The following GALNT8 variants were observed in gnomAD, a reference collection of about 807,000 sequenced individuals.
The protein encoded by GALNT8 is probable polypeptide N-acetylgalactosaminyltransferase 8.
Under a neutral mutation model 62.7 loss-of-function variants are expected in GALNT8, and 66 were observed. The ratio of observed to expected loss-of-function variants is 1.05; its 90% CI spans 0.86 to 1.29. The LOEUF (loss-of-function observed/expected upper bound fraction) is 1.29. Among genes scored for constraint, GALNT8 ranks in the 50% most tolerant of loss-of-function variants. GALNT8 has a pLI of 0.00. For synonymous variants in GALNT8, 288 were observed against 294.3 expected (o/e 0.98, Z 0.22); for missense variants, 771 against 791.8 (o/e 0.97, Z 0.32).
At chr12:4,744,478 T>C (rs1946286762) in intron 3 of GALNT8, 39 bp from the exon 4 acceptor site, 1 of 1,420,594 alleles carries the variant, frequency 7.0e-7, no homozygotes, top group Non-Finnish European at 9.7e-7. Context: ...CGTTGATTGT[T>C]GCACTCAGAA....
chr12:4,734,000 A>T (rs1946232000), intron 2 of GALNT8, among the ~76,000 whole-genome samples: 1 of 152,232 alleles, frequency 6.6e-6, no homozygotes, highest in Non-Finnish European at 1.5e-5. Flanking sequence ...TTGTCTACGT[A>T]ATAATGACAA....
At chr12:4,762,757 A>G (rs562064605) in intron 7 of GALNT8, among the ~76,000 whole-genome samples, 144 of 152,370 alleles carry the variant, frequency 9.5e-4, no homozygotes, top group Middle Eastern at 3.4e-3. Flanking sequence ...GTCCATACCC[A>G]CTGGTGGAGT....
rs1306351369 is a variant in GALNT8 at position 4,739,160 on chromosome 12, T to C, written c.510-3T>C. The C allele has an allele frequency of 2.5e-6, 4 of 1,592,042 alleles. No individual in the cohort carries two copies. Among genetic ancestry groups the C allele is most frequent in the South Asian group, 1.1e-5 (1 of 89,630 alleles). On this transcript the variant is annotated splice_polypyrimidine_tract_variant and splice_region_variant and intron_variant, in intron 2 of 10. Coordinates refer to ENST00000252318, the MANE Select transcript of GALNT8 (RefSeq NM_017417.2). ...AATATGTTATAAAAATGGTCTCTTATAGATGTCTTCGGAAGACATATCCTT... is the reference window on the plus strand; with the variant it reads ...AATATGTTATAAAAATGGTCTCTTACAGATGTCTTCGGAAGACATATCCTT...
In GALNT8 at chr12:4,763,724, G is replaced by C. The variant is rs73264339; in HGVS notation, c.1498-228G>C. On this transcript the variant is annotated intron_variant, in intron 8 of 10. Coordinates refer to ENST00000252318, the MANE Select transcript of GALNT8 (RefSeq NM_017417.2). ...CTCCCTGTGTGTGTGGTGATGGGCT[G>C]AGGTGATGGGTGTTTCCCGGATGTG... Among the ~76,000 whole-genome samples the C allele has an allele frequency of 6.5e-3, 989 of 151,934 alleles. 10 individuals are homozygous for C. Among genetic ancestry groups the C allele is most frequent in the African/African-American group, 0.022 (930 of 41,428 alleles).
rs1428433705 is a variant in GALNT8, at chr12:4,739,210, T to C, written c.557T>C (p.Ile186Thr). ...TCCCAACTCCCATCCCTCAGTGTCA[T>C]TCTCATATTCGTGAATGAAGCTCTG... ...YPSQLPSLSV[I>T]LIFVNEALSI... The change falls in exon 3 of 11, where the codon ATT becomes ACT. Residue 186 changes from isoleucine (I) to threonine (T), a missense_variant. Ile to Thr is a moderately conservative substitution (Grantham distance 89). Coordinates refer to ENST00000252318, the MANE Select transcript of GALNT8 (RefSeq NM_017417.2). 1 of 1,613,010 alleles carries C rather than the reference T, an allele frequency of 6.2e-7. No individual in the cohort carries two copies. The highest frequency in any genetic ancestry group is 1.7e-5 in the Admixed American group (1 of 60,012).
At chr12:4,751,983 AC>A (rs1946324082) in intron 6 of GALNT8, among the ~76,000 whole-genome samples, 1 of 151,734 alleles carries the variant, frequency 6.6e-6, no homozygotes, top group African/African-American at 2.4e-5. Flanking sequence ...GGCTAAATTG[AC>A]CCCTTTTTTA....
intron 10 of GALNT8, chr12:4,768,413 T>C (rs972393602): frequency 7.8e-6 from 3 of 385,128 alleles, no homozygotes; most frequent in African/African-American, 2.1e-5. Context: ...CATATCTTTT[T>C]TTTGTGTTTT....
rs180810709 is a variant in GALNT8 at position 4,760,931 on chromosome 12, G to A, written c.1174-27G>A. 504 of 1,601,470 alleles carry A rather than the reference G, an allele frequency of 3.1e-4. 4 individuals are homozygous for A. The East Asian group carries it at 7.9e-3, about 25-fold the overall frequency. ...ATGCAATTCATTGGCTGTGAAGCACGGGTGATTTTTTGGTCTTCTTCTGCA... is the reference window on the plus strand; with the variant it reads ...ATGCAATTCATTGGCTGTGAAGCACAGGTGATTTTTTGGTCTTCTTCTGCA... On this transcript the variant is annotated intron_variant, in intron 6 of 10. Coordinates refer to ENST00000252318, the MANE Select transcript of GALNT8 (RefSeq NM_017417.2).
chr12:4,760,688 A>G (rs923330701), intron 6 of GALNT8, among the ~76,000 whole-genome samples: 1 of 152,238 alleles, frequency 6.6e-6, no homozygotes, highest in African/African-American at 2.4e-5. Context: ...AAGGGAGCAG[A>G]GGCAGCCCCT....
chr12:4,750,068 G>C (rs1946316014), intron 6 of GALNT8, among the ~76,000 whole-genome samples: 1 of 151,720 alleles, frequency 6.6e-6, no homozygotes, highest in South Asian at 2.1e-4. Context: ...TCTGGATAAA[G>C]GTTTGTCAAT....
At chr12:4,764,583 G>A (rs1318651346) in intron 9 of GALNT8, among the ~76,000 whole-genome samples, 2 of 130,864 alleles carry the variant, frequency 1.5e-5, no homozygotes, top group African/African-American at 2.9e-5. Context: ...TCGATCTGTC[G>A]CCCAGGCTGG....
chr12:4,724,042 G>A (rs183663809), intron 1 of GALNT8, among the ~76,000 whole-genome samples: 2 of 151,096 alleles, frequency 1.3e-5, no homozygotes, highest in Non-Finnish European at 2.9e-5. Context: ...CCAGCTACTC[G>A]GGAAGCTGAG....
intron 1 of GALNT8, among the ~76,000 whole-genome samples, chr12:4,721,639 A>G (rs1014235847): frequency 6.6e-6 from 1 of 152,132 alleles, no homozygotes; most frequent in Non-Finnish European, 1.5e-5. Context: ...CTCCTATCTC[A>G]GTAGATGGAA....
intron 5 of GALNT8, among the ~76,000 whole-genome samples, 199 bp from the exon 6 acceptor site, chr12:4,745,945 A>G (rs532187581): frequency 6.6e-6 from 1 of 152,324 alleles, no homozygotes; most frequent in South Asian, 2.1e-4. Flanking sequence ...TAATTTCAAT[A>G]TATTTTGAGA....
At position 4,761,992 on chromosome 12, in the gene GALNT8, G is replaced by C. The variant is rs570167718; in HGVS notation, c.1359+849G>C. Among the ~76,000 whole-genome samples the C allele has an allele frequency of 1.6e-4, 25 of 152,330 alleles. 1 individual carries two copies. In the East Asian group the frequency reaches 4.6e-3, roughly 28 times the overall value. On this transcript the variant is annotated intron_variant, in intron 7 of 10. Transcript: ENST00000252318. The stretch of plus-strand genomic sequence containing the variant: ...GAAGGACTCCTAGGGTCAGGAGCCA[G>C]GTTAACACTGGGATCACTAGGTCTG...
At chr12:4,769,598 A>G (rs951266473) in intron 10 of GALNT8, among the ~76,000 whole-genome samples, 6 of 152,156 alleles carry the variant, frequency 3.9e-5, no homozygotes, top group Non-Finnish European at 1.5e-5. Flanking sequence ...AAATTAATAA[A>G]ATTGGAAAAG....
Position 4,772,463 on chromosome 12 carries a change from A to G in GALNT8, c.1780A>G (p.Arg594Gly). 6.2e-7 allele frequency: 1 copy of G among 1,613,392 alleles called. No individual in the cohort carries two copies. Among genetic ancestry groups the G allele is most frequent in the East Asian group, 2.2e-5 (1 of 44,860 alleles). Residue 594 changes from arginine to glycine, a missense_variant, in exon 11 of 11, where the codon AGA (arginine) becomes GGA (glycine). Physicochemically the swap from Arg to Gly is moderately radical, Grantham distance 125 (BLOSUM62 -2). Coordinates refer to ENST00000252318, the MANE Select transcript of GALNT8 (RefSeq NM_017417.2). ...DFKPGGAVIN[R>G]DTKRCLEMKK... ...CCTCCAGGGAGGAGCTGTCATAAAC[A>G]GAGATACCAAGCGGTGTCTGGAGAT...
At chr12:4,767,118 A>T (rs1304431800) in intron 10 of GALNT8, among the ~76,000 whole-genome samples, 1 of 151,906 alleles carries the variant, frequency 6.6e-6, no homozygotes, top group Non-Finnish European at 1.5e-5. Context: ...CCGCTTCTTC[A>T]CCAGGCCAAC....
In GALNT8 at chr12:4,732,114, A is replaced by G. The variant is rs1011341627; in HGVS notation, c.509+5285A>G. On this transcript the variant is annotated intron_variant, in intron 2 of 10. Transcript: ENST00000252318. ...TTCTAAGGGAAATTATGTGGCTGGC[A>G]TAATTTGCCTTAGAAAATCCCAATG... Among the ~76,000 whole-genome samples, 4 of 142,298 alleles carry G rather than the reference A, an allele frequency of 2.8e-5. No homozygotes were observed. The East Asian group carries it at 6.3e-4, about 22-fold the overall frequency. 93.4% of individuals were successfully genotyped at this position (142,298 alleles called of 152,430 possible).
Sources: allele counts gnomAD v4.1 joint callset (sites outside exome capture counted in the v4.1 genomes callset), GRCh38; gene constraint gnomAD v4.1.1; transcripts MANE v1.5; gene names NCBI Gene and HGNC (gene_info 2026-07-23, HGNC 2026-07-21).